ABHD12B: variants seen among roughly 807,000 people sequenced by gnomAD.
ABHD12B encodes protein ABHD12B.
ABHD12B carries 42 observed loss-of-function variants against 50.4 expected under a neutral mutation model. The ratio of observed to expected loss-of-function variants is 0.83; its 90% CI spans 0.65 to 1.08. The LOEUF (loss-of-function observed/expected upper bound fraction) is 1.08. Ranked by LOEUF, ABHD12B falls within the 50% of genes least tolerant of loss-of-function variation. The pLI, the probability that ABHD12B is intolerant of heterozygous loss-of-function variation, is 0.00. For missense variants in ABHD12B, 479 were observed against 447.7 expected (o/e 1.07, Z -0.63); for synonymous variants, 167 against 160.3 (o/e 1.04, Z -0.32).
At position 50,900,604 on chromosome 14, in the gene ABHD12B, C is replaced by T. The variant is rs115600944; in HGVS notation, c.781-1225C>T. Among the ~76,000 whole-genome samples the T allele has an allele frequency of 2.9e-3, 445 of 152,296 alleles. 2 individuals carry two copies. Among genetic ancestry groups the T allele is most frequent in the African/African-American group, 1.0e-2 (414 of 41,548 alleles). ...AGGTTTGGTAGCTGGTTATGGAAAA[C>T]AGCTCCGAAGAAATAGCATCTGAGC... On this transcript the variant is annotated intron_variant, in intron 9 of 12. Transcript: ENST00000337334.
chr14:50,882,597 G>C (rs572545669), intron 5 of ABHD12B, among the ~76,000 whole-genome samples: 11 of 151,500 alleles, frequency 7.3e-5, no homozygotes, highest in African/African-American at 2.2e-4. Flanking sequence ...AGCCAGGATG[G>C]TCTCGATCTC....
At chr14:50,902,965 A>G (rs2050279638) in intron 10 of ABHD12B, among the ~76,000 whole-genome samples, 1 of 152,180 alleles carries the variant, frequency 6.6e-6, no homozygotes, top group Non-Finnish European at 1.5e-5. Context: ...TGATTCTGTC[A>G]TAGTTTTTGT....
At chr14:50,878,511 A>G (rs1012904560) in intron 2 of ABHD12B, among the ~76,000 whole-genome samples, 2 of 152,210 alleles carry the variant, frequency 1.3e-5, no homozygotes, top group Non-Finnish European at 2.9e-5. Flanking sequence ...CTGTTTCTCT[A>G]TTATGAGCCA....
intron 9 of ABHD12B, among the ~76,000 whole-genome samples, chr14:50,895,288 T>C (rs2050181416): frequency 6.6e-6 from 1 of 150,428 alleles, no homozygotes; most frequent in Non-Finnish European, 1.5e-5. Context: ...TTAATTAACC[T>C]CGCCTTCAAG....
chr14:50,895,416 C>T (rs1018411451), intron 9 of ABHD12B: 3 of 152,202 alleles, frequency 2.0e-5, no homozygotes, highest in Non-Finnish European at 4.4e-5. Context: ...AGGCGTTCCT[C>T]CAGAACCTCC....
intron 2 of ABHD12B, among the ~76,000 whole-genome samples, chr14:50,878,377 G>A (rs1476890428): frequency 2.0e-5 from 3 of 152,184 alleles, no homozygotes; most frequent in Non-Finnish European, 4.4e-5. Context: ...CCTTTTGGCT[G>A]ATGATTAGGT....
rs1167896137 is a variant in ABHD12B at position 50,904,150 on chromosome 14, A to T, written c.1019A>T (p.His340Leu). ...KMVIFPPGFQ[H>L]NLLCKSPTLL... ...GTTATCTTTCCTCCTGGCTTCCAAC[A>T]CAACCTGCTTTGTAAAAGCCCCACA... Residue 340 changes from histidine (H) to leucine (L), a missense_variant, in exon 12 of 13, where the codon CAC (histidine) becomes CTC (leucine). His to Leu is a moderately conservative substitution (Grantham distance 99). Transcript: ENST00000337334. The T allele has an allele frequency of 6.2e-7, 1 of 1,614,186 alleles. No individual in the cohort carries two copies. Among genetic ancestry groups the T allele is most frequent in the Non-Finnish European group, 8.5e-7 (1 of 1,180,000 alleles).
Position 50,878,012 on chromosome 14 carries a change from T to C in ABHD12B, c.165T>C (p.Phe55=). Residue 55 remains phenylalanine, a synonymous_variant, in exon 2 of 13, where the codon TTT becomes TTC. Coordinates refer to ENST00000337334, the MANE Select transcript of ABHD12B (RefSeq NM_001206673.2). The stretch of plus-strand genomic sequence containing the variant: ...AAATTGCTGCTCTGTATGACAGCTT[T>C]ACTAGTAAATCCTTAAAAGAACACG... ...GRKIAALYDS[F]TSKSLKEHVF... is the part of the protein sequence containing the mutation. 7 of 1,535,356 alleles carry C rather than the reference T, an allele frequency of 4.6e-6. No homozygotes were observed. The highest frequency in any genetic ancestry group is 6.1e-6 in the Non-Finnish European group (7 of 1,146,572).
rs375841741 is a variant in ABHD12B, at chr14:50,885,746, T to C, written c.533-20T>C. ...CATTTTGAAGGCAGTGATACTGTGT[T>C]TGCCTTTTCTTGCTGCCAGGATTTG... On this transcript the variant is annotated intron_variant, in intron 6 of 12. Coordinates refer to ENST00000337334, the MANE Select transcript of ABHD12B (RefSeq NM_001206673.2). 161 of 1,614,178 alleles carry C rather than the reference T, an allele frequency of 1.0e-4. No homozygotes were observed. Among genetic ancestry groups the C allele is most frequent in the Middle Eastern group, 8.2e-4 (5 of 6,062 alleles).
At chr14:50,889,656 T>G (rs946878467) in intron 9 of ABHD12B, among the ~76,000 whole-genome samples, 3 of 152,084 alleles carry the variant, frequency 2.0e-5, no homozygotes, top group Admixed American at 6.6e-5. Flanking sequence ...AAAAAAAATC[T>G]ATTGTGTAGA....
intron 9 of ABHD12B, among the ~76,000 whole-genome samples, chr14:50,894,422 G>A (rs1325058378): frequency 6.9e-6 from 1 of 145,308 alleles, no homozygotes; most frequent in Non-Finnish European, 1.5e-5. Flanking sequence ...TCTTTTCTCT[G>A]GGCTTGCCTC....
At chr14:50,894,599 A>G (rs981247029) in intron 9 of ABHD12B, among the ~76,000 whole-genome samples, 3 of 152,158 alleles carry the variant, frequency 2.0e-5, no homozygotes, top group Admixed American at 6.5e-5. Context: ...AGTTCCAAAT[A>G]GCCAGAAAAT....
In ABHD12B at chr14:50,904,089, C is replaced by T. The variant is rs149870138; in HGVS notation, c.958C>T (p.Arg320Cys). 3,130 of 1,613,064 alleles carry T rather than the reference C, an allele frequency of 1.9e-3. 8 individuals carry two copies. The highest frequency in any genetic ancestry group is 3.0e-3 in the Admixed American group (179 of 59,874). Residue 320 changes from arginine (R) to cysteine (C), a missense_variant, in exon 12 of 13, where the codon CGC (arginine) becomes TGC (cysteine). By Grantham distance (180) the Arg-to-Cys change is radical. Coordinates refer to ENST00000337334, the MANE Select transcript of ABHD12B (RefSeq NM_001206673.2). Reference sequence around the variant, plus strand: ...TCGCTTGCAGCTCTATGAAATTGCACGCAATGCATACAGGAACAAAGAGAG... The same window carrying T: ...TCGCTTGCAGCTCTATGAAATTGCATGCAATGCATACAGGAACAAAGAGAG... Reference protein sequence around the residue: ...EYGKKLYEIARNAYRNKERVK... With the variant: ...EYGKKLYEIACNAYRNKERVK...
At position 50,881,661 on chromosome 14, in the gene ABHD12B, T is replaced by C. The variant is rs201966468; in HGVS notation, c.486+35T>C. ...AAGAGGCCTCAAAGCACCCATTTCA[T>C]AAGTCTGTTTGATATGTCATAAGAT... On this transcript the variant is annotated intron_variant, in intron 5 of 12. Transcript: ENST00000337334. 1.5e-3 allele frequency: 2,354 copies of C among 1,610,956 alleles called. 6 individuals are homozygous for C. The highest frequency in any genetic ancestry group is 1.8e-3 in the Non-Finnish European group (2,166 of 1,178,670).
At chr14:50,879,635 A>G (rs7145906) in intron 3 of ABHD12B, among the ~76,000 whole-genome samples, 25 of 152,236 alleles carry the variant, frequency 1.6e-4, no homozygotes, top group Non-Finnish European at 3.2e-4. Context: ...TGTTTAGGAC[A>G]AACCCATAAC....
At chr14:50,877,091 T>C (rs963815479) in intron 1 of ABHD12B, among the ~76,000 whole-genome samples, 2 of 152,064 alleles carry the variant, frequency 1.3e-5, no homozygotes, top group Admixed American at 1.3e-4. Flanking sequence ...CAGGGAACAA[T>C]AGCGTAGGCA....
intron 5 of ABHD12B, 25 bp downstream of exon 5, chr14:50,881,651 A>G: frequency 1.2e-6 from 2 of 1,610,244 alleles, no homozygotes; most frequent in Non-Finnish European, 1.7e-6. Flanking sequence ...GCCTCAAAGC[A>G]CCCATTTCAT....
chr14:50,881,700 T>C (rs894006340), intron 5 of ABHD12B, 74 bp downstream of exon 5: 100 of 1,584,612 alleles, frequency 6.3e-5, no homozygotes, highest in Non-Finnish European at 8.6e-5. Context: ...CCTCAGGCCC[T>C]CCGCGTGGTT....
At chr14:50,902,921 G>A (rs1293895186) in intron 10 of ABHD12B, among the ~76,000 whole-genome samples, 1 of 152,168 alleles carries the variant, frequency 6.6e-6, no homozygotes, top group African/African-American at 2.4e-5. Context: ...TACATTTATG[G>A]AGAAAAGTAA....
Sources: allele counts gnomAD v4.1 joint callset (sites outside exome capture counted in the v4.1 genomes callset), GRCh38; gene constraint gnomAD v4.1.1; transcripts MANE v1.5; gene names NCBI Gene and HGNC (gene_info 2026-07-23, HGNC 2026-07-21).